Variants in COL5A3 observed in about 807,000 individuals in gnomAD.
COL5A3 encodes the protein collagen type V alpha 3 chain.
A neutral mutation model predicts 250.0 loss-of-function variants in COL5A3; 172 were observed. The ratio of observed to expected loss-of-function variants is 0.69; its 90% CI spans 0.61 to 0.78. The LOEUF is 0.78. Among genes scored for constraint, COL5A3 ranks in the 30% least tolerant of loss-of-function variants. The pLI is 0.00. For synonymous variants in COL5A3, 937 were observed against 900.4 expected, an observed-to-expected ratio of 1.04 and a Z score of -0.73; for missense variants, 2,340 against 2,334.4, an observed-to-expected ratio of 1.00 and a Z score of -0.05.
rs144879118 is a variant in COL5A3, at chr19:9,973,572, G to C, written c.3664C>G (p.Pro1222Ala). The change falls in exon 50 of 67, where the codon CCG becomes GCG. Residue 1222 changes from proline to alanine, a missense_variant and splice_region_variant. This residue lies in a region of COL5A3 where 1,179 missense variants were observed against 1,162.6 expected (regional missense o/e 1.01). Coordinates refer to ENST00000264828, the MANE Select transcript of COL5A3 (RefSeq NM_015719.4). Reference protein sequence around the residue: ...DPGPPGAPGIPGPKGDIGEKG... With the variant: ...DPGPPGAPGIAGPKGDIGEKG... ...GACCACATCACACAGTCACTCACCG[G>C]GATGCCTGGGGCTCCTGGAGGCCCT... 22 of 1,611,946 alleles carry C rather than the reference G, an allele frequency of 1.4e-5. No individual in the cohort carries two copies. The African/African-American group carries it at 2.9e-4, about 22-fold the overall frequency.
Position 10,005,887 on chromosome 19 carries a change from G to A in COL5A3, c.346C>T (p.Arg116Trp), listed in dbSNP as rs767139804. 48 of 1,613,796 alleles carry A rather than the reference G, an allele frequency of 3.0e-5. No homozygotes were observed. The highest frequency in any genetic ancestry group is 3.5e-5 in the Non-Finnish European group (41 of 1,180,010). The change falls in exon 3 of 67, where the codon CGG becomes TGG. Residue 116 changes from arginine (R) to tryptophan (W), a missense_variant. This residue lies in a region of COL5A3 where 1,152 missense variants were observed against 1,146.3 expected (regional missense o/e 1.00). Transcript: ENST00000264828. Reference sequence around the variant, plus strand: ...GGCCCCAGTGCCAGGCCCAACTGCCGGGCACCCCTTTCATCATAAATGGAC... The same window carrying A: ...GGCCCCAGTGCCAGGCCCAACTGCCAGGCACCCCTTTCATCATAAATGGAC... ...LLSIYDERGA[R>W]QLGLALGPAL...
In COL5A3 at chr19:9,968,726, C is replaced by T. The variant is rs752581005; in HGVS notation, c.4155G>A (p.Gly1385=). The change falls in exon 58 of 67, where the codon GGG becomes GGA. Residue 1385 remains glycine (G), a splice_region_variant and synonymous_variant. Coordinates refer to ENST00000264828, the MANE Select transcript of COL5A3 (RefSeq NM_015719.4). This position sits in a 1 kb window ranked among gnomAD's most constrained non-coding sequence, Gnocchi z 4.1. ...PGQMGPPGPL[G]PSGLPGLKGD... is the part of the protein sequence containing the mutation. ...CCTTCAGCCCTGGGAGGCCAGAGGG[C>T]CCCTGGGAGAAGAGCAAGGGTCAGT... 2.5e-6 allele frequency: 4 copies of T among 1,606,760 alleles called. No individual in the cohort carries two copies. In the East Asian group the frequency reaches 6.7e-5, roughly 27 times the overall value.
At position 9,966,764 on chromosome 19, in the gene COL5A3, G is replaced by A. The variant is rs939773737; in HGVS notation, c.4459-18C>T. The A allele has an allele frequency of 9.2e-6, 14 of 1,523,996 alleles. No individual in the cohort carries two copies. The Admixed American group carries it at 2.0e-4, about 22-fold the overall frequency. The allele number at this position is 1,523,996 out of a possible 1,614,324, so 94.4% of individuals were successfully genotyped here. Reference sequence around the variant, plus strand: ...GGGGCACCCTGGGCGTAGGGGATGGGGACGGAGAAGAGAGGGGAGATGGGG... The same window carrying A: ...GGGGCACCCTGGGCGTAGGGGATGGAGACGGAGAAGAGAGGGGAGATGGGG... On this transcript the variant is annotated intron_variant, in intron 62 of 66. Coordinates refer to ENST00000264828, the MANE Select transcript of COL5A3 (RefSeq NM_015719.4).
chr19:9,979,387 G>A lies in COL5A3; in HGVS notation c.2743C>T (p.Pro915Ser). 6.2e-7 allele frequency: 1 copy of A among 1,614,180 alleles called. No homozygotes were observed. The highest frequency in any genetic ancestry group is 8.5e-7 in the Non-Finnish European group (1 of 1,180,024). ...ACCTGAGGGCCTAAGACACCAGCTG[G>A]TCCAGGCGGGCCTGTCTGACCTTGG... ...GFQGQTGPPG[P>S]AGVLGPQGKT... is the part of the protein sequence containing the mutation. Residue 915 changes from proline (P) to serine (S), a missense_variant, in exon 38 of 67, where the codon CCA becomes TCA. Physicochemically the swap from Pro to Ser is moderately conservative, Grantham distance 74. Around this residue, in one of 3 missense-constraint regions of COL5A3, gnomAD observed 1,179 missense variants for 1,162.6 expected, o/e 1.01. Transcript: ENST00000264828.
Position 9,960,148 on chromosome 19 carries a change from G to A in COL5A3, c.*263C>T. On this transcript the variant is annotated 3_prime_UTR_variant, in exon 67 of 67. Coordinates refer to ENST00000264828, the MANE Select transcript of COL5A3 (RefSeq NM_015719.4). Reference sequence around the variant, plus strand: ...GGGGTTCAAGGGGTGGGGAGGTGAGGCTTGGGTGGGGAGGGAGGGGAGAAA... The same window carrying A: ...GGGGTTCAAGGGGTGGGGAGGTGAGACTTGGGTGGGGAGGGAGGGGAGAAA... 2 of 514,772 alleles carry A rather than the reference G, an allele frequency of 3.9e-6. No individual in the cohort carries two copies. The highest frequency in any genetic ancestry group is 6.9e-6 in the Non-Finnish European group (2 of 287,870). 31.9% of individuals were successfully genotyped at this position (514,772 alleles called of 1,614,324 possible).
rs778865752 is a variant in COL5A3 at position 9,960,769 on chromosome 19, A to T, written c.4973T>A (p.Leu1658Gln). 34 of 1,613,976 alleles carry T rather than the reference A, an allele frequency of 2.1e-5. No homozygotes were observed. The Middle Eastern group carries it at 6.6e-4, about 31-fold the overall frequency. Reference protein sequence around the residue: ...TYSCQNAAAWLDEATGDYSHS... With the variant: ...TYSCQNAAAWQDEATGDYSHS... Reference sequence around the variant, plus strand: ...GCTGTAGTCACCCGTGGCTTCGTCCAGCCAGGCAGCTGCATTCTGGCAGGA... The same window carrying T: ...GCTGTAGTCACCCGTGGCTTCGTCCTGCCAGGCAGCTGCATTCTGGCAGGA... The change falls in exon 66 of 67, where the codon CTG (leucine) becomes CAG (glutamine). Residue 1658 changes from leucine (L) to glutamine (Q), a missense_variant. Physicochemically the swap from Leu to Gln is moderately radical, Grantham distance 113. Coordinates refer to ENST00000264828, the MANE Select transcript of COL5A3 (RefSeq NM_015719.4).
At chr19:9,982,178 G>T in intron 31 of COL5A3, 60 bp from the exon 32 acceptor site, 3 of 1,198,534 alleles carry the variant, frequency 2.5e-6, no homozygotes, top group Non-Finnish European at 3.6e-6. Context: ...GGGTGGAATT[G>T]GCCCCTCATA....
At chr19:9,990,923 C>T (rs1376258943) in intron 24 of COL5A3, among the ~76,000 whole-genome samples, 1 of 152,108 alleles carries the variant, frequency 6.6e-6, no homozygotes, top group Non-Finnish European at 1.5e-5. Context: ...ACAGCCACAC[C>T]CCTTTCTTTA....
chr19:9,994,559 C>CATACAT (rs2087241915), intron 16 of COL5A3, among the ~76,000 whole-genome samples: 1 of 70,700 alleles, frequency 1.4e-5, no homozygotes, highest in South Asian at 6.0e-4. Flanking sequence ...ATATGTTTTA[C>CATACAT]ATATATATAT....
intron 24 of COL5A3, among the ~76,000 whole-genome samples, chr19:9,990,947 G>A (rs551837791): frequency 1.1e-4 from 16 of 152,284 alleles, no homozygotes; most frequent in African/African-American, 3.1e-4. Context: ...ATGCCCAGCC[G>A]GGCATGATGG....
intron 64 of COL5A3, among the ~76,000 whole-genome samples, chr19:9,963,550 C>T (rs998033530): frequency 1.1e-5 from 1 of 88,746 alleles, no homozygotes; most frequent in African/African-American, 5.2e-5. Context: ...TGCCACCATG[C>T]CTGTTTTTTT....
chr19:9,973,503 C>T (rs2086880359), intron 50 of COL5A3, 67 bp downstream of exon 50: 5 of 1,518,994 alleles, frequency 3.3e-6, no homozygotes, highest in Non-Finnish European at 4.5e-6. Flanking sequence ...GTCAAAGTGG[C>T]CCAAGATGCC....
At chr19:9,987,869 A>C (rs1021445264) in intron 27 of COL5A3, among the ~76,000 whole-genome samples, 5 of 152,060 alleles carry the variant, frequency 3.3e-5, no homozygotes, top group Admixed American at 2.6e-4. Flanking sequence ...CGGGAGTTCA[A>C]GGCTGCAGTG....
rs2087223127 is a variant in COL5A3 at position 9,993,389 on chromosome 19, A to G, written c.1740T>C (p.Asp580=). ...HVGQPGPPGE[D]GERGAEGPPG... ...TCTCTTCCAAACTTACCCTCTCACC[A>G]TCCTCTCCTGGGGGACCGGGTTGCC... The change falls in exon 19 of 67, where the codon GAT becomes GAC. Residue 580 remains aspartate (D), a synonymous_variant. Coordinates refer to ENST00000264828, the MANE Select transcript of COL5A3 (RefSeq NM_015719.4). 8 of 1,613,862 alleles carry G rather than the reference A, an allele frequency of 5.0e-6. No homozygotes were observed. The highest frequency in any genetic ancestry group is 6.8e-6 in the Non-Finnish European group (8 of 1,179,922).
intron 11 of COL5A3, chr19:9,997,159 C>T: frequency 1.7e-6 from 1 of 601,884 alleles, no homozygotes. Context: ...CAGAGACAGG[C>T]AAAAGAAGAA....
chr19:9,960,684 T>C lies in COL5A3; in HGVS notation c.5058A>G (p.Ala1686=), dbSNP rs751731000. ...GEELSFNQTT[A]ATVSVPQDGC... The stretch of plus-strand genomic sequence containing the variant: ...CATCCTGGGGGACGCTGACAGTGGC[T>C]GCTGTCGTCTGGTTGAAAGACAGCT... Residue 1686 remains alanine, a synonymous_variant, in exon 66 of 67, where the codon GCA becomes GCG. Transcript: ENST00000264828. 1.7e-5 allele frequency: 27 copies of C among 1,613,902 alleles called. No homozygotes were observed. The highest frequency in any genetic ancestry group is 1.9e-5 in the Non-Finnish European group (23 of 1,180,022).
At position 9,960,541 on chromosome 19, in the gene COL5A3, G is replaced by T; in HGVS notation, c.5108C>A (p.Thr1703Lys). ...QDGCRLRKGQ[T>K]KTLFEFSSSR... ...AGAGCTGAATTCGAAAAGGGTCTTC[G>T]TCTGTCCTTTCCGGAGCTGTCCCCA... is the stretch of plus-strand genomic sequence containing the variant. Residue 1703 changes from threonine (T) to lysine (K), a missense_variant, in exon 67 of 67, where the codon ACG (threonine) becomes AAG (lysine). Around this residue, in one of 3 missense-constraint regions of COL5A3, gnomAD observed 1,179 missense variants for 1,162.6 expected, o/e 1.01. Transcript: ENST00000264828. 1 of 1,614,160 alleles carries T rather than the reference G, an allele frequency of 6.2e-7. No individual in the cohort carries two copies. Among genetic ancestry groups the T allele is most frequent in the Middle Eastern group, 1.6e-4 (1 of 6,062 alleles).
rs147656261 is a variant in COL5A3 at position 9,980,441 on chromosome 19, A to G, written c.2604+207T>C. ...TGCAGTGGTGTGATTAGCTCACTTC[A>G]GCTTCCAACTCCTGGGCTCAAGCAA... On this transcript the variant is annotated intron_variant, in intron 35 of 66. Transcript: ENST00000264828. Among the ~76,000 whole-genome samples the G allele has an allele frequency of 3.0e-3, 462 of 152,100 alleles. 5 individuals are homozygous for G. Among genetic ancestry groups the G allele is most frequent in the Non-Finnish European group, 3.6e-3 (245 of 67,994 alleles).
In COL5A3 at chr19:9,980,696, G is replaced by C; in HGVS notation, c.2560-4C>G. 6.2e-7 allele frequency: 1 copy of C among 1,613,900 alleles called. No homozygotes were observed. The highest frequency in any genetic ancestry group is 2.2e-5 in the East Asian group (1 of 44,858). On this transcript the variant is annotated splice_polypyrimidine_tract_variant and splice_region_variant and intron_variant, in intron 34 of 66. Coordinates refer to ENST00000264828, the MANE Select transcript of COL5A3 (RefSeq NM_015719.4). ...CTCCATCCTGGCCCACATCGCCCTA[G>C]GACAGAGTGAATGAGACTCAGGCCC...
Sources: allele counts gnomAD v4.1 joint callset (sites outside exome capture counted in the v4.1 genomes callset), GRCh38; gene constraint gnomAD v4.1.1; regional missense constraint gnomAD v4.1.1; non-coding constraint Gnocchi (gnomAD v3.1); transcripts MANE v1.5; gene names NCBI Gene and HGNC (gene_info 2026-07-23, HGNC 2026-07-21).